XRN2: variants seen among roughly 807,000 people sequenced by gnomAD.
XRN2 encodes the protein DHM1-like protein.
Under a neutral mutation model 138.5 loss-of-function variants are expected in XRN2, and 44 were observed. The observed-to-expected ratio is 0.32, with a 90% confidence interval of 0.25 to 0.41. The LOEUF is 0.41. Ranked by LOEUF, XRN2 falls within the 10% of genes least tolerant of loss-of-function variation. The probability of loss-of-function intolerance (pLI) is 1.00; values close to 1 mark genes in which losing one functional copy is unlikely to be tolerated. For missense variants in XRN2, 937 were observed against 1,169.3 expected (o/e 0.80, Z 2.90); for synonymous variants, 354 against 369.4 (o/e 0.96, Z 0.48).
chr20:21,364,804 C>CA (rs55958227), intron 24 of XRN2, among the ~76,000 whole-genome samples: 16,981 of 95,200 alleles, frequency 0.18, 1,108 homozygotes, highest in Middle Eastern at 0.27. Flanking sequence ...AGACCTGTCT[C>CA]AAAAAAAAAA....
chr20:21,354,143 G>T (rs1047567071), intron 20 of XRN2, among the ~76,000 whole-genome samples: 1 of 152,078 alleles, frequency 6.6e-6, no homozygotes, highest in Non-Finnish European at 1.5e-5. Context: ...CCAAATAAGT[G>T]CCCTTAATTT....
At chr20:21,320,713 G>C (rs1474243082) in intron 1 of XRN2, among the ~76,000 whole-genome samples, 1 of 152,142 alleles carries the variant, frequency 6.6e-6, no homozygotes, top group Non-Finnish European at 1.5e-5. Context: ...TCCTGCCTCA[G>C]CCTCCCGAGT....
chr20:21,346,807 C>T lies in XRN2; in HGVS notation c.1665+257C>T, dbSNP rs184366218. Among the ~76,000 whole-genome samples the T allele has an allele frequency of 1.7e-4, 26 of 151,984 alleles. No individual in the cohort carries two copies. The East Asian group carries it at 4.7e-3, about 27-fold the overall frequency. ...CTAATTTTTGTATTTTTAGTAGAGA[C>T]GGGGTTTCACCATGTTGGTCAGGCT... is the stretch of plus-strand genomic sequence containing the variant. On this transcript the variant is annotated intron_variant, in intron 17 of 29. Transcript: ENST00000377191.
In XRN2 at chr20:21,386,910, G is replaced by A. The variant is rs762727517; in HGVS notation, c.2691G>A (p.Leu897=). 6.2e-7 allele frequency: 1 copy of A among 1,613,954 alleles called. No individual in the cohort carries two copies. Among genetic ancestry groups the A allele is most frequent in the East Asian group, 2.2e-5 (1 of 44,882 alleles). ...CTCTGCTCCCATGGAACCGGATGCTGCAAACCCAGAATGCAGCCTTCCAGC... is the reference window on the plus strand; with the variant it reads ...CTCTGCTCCCATGGAACCGGATGCTACAAACCCAGAATGCAGCCTTCCAGC... ...AEPLLPWNRM[L]QTQNAAFQPN... The change falls in exon 29 of 30, where the codon CTG becomes CTA. Residue 897 remains leucine (L), a synonymous_variant. Transcript: ENST00000377191.
intron 24 of XRN2, among the ~76,000 whole-genome samples, chr20:21,358,748 C>T (rs1221445889): frequency 6.6e-6 from 1 of 152,134 alleles, no homozygotes; most frequent in East Asian, 1.9e-4. Context: ...GAGTTGCTTA[C>T]GTTTATCTTT....
chr20:21,348,561 C>A, intron 19 of XRN2, 131 bp downstream of exon 19: 1 of 791,970 alleles, frequency 1.3e-6, no homozygotes. Context: ...TTACTCCAAA[C>A]ACACATATAT....
intron 20 of XRN2, 21 bp downstream of exon 20, chr20:21,349,482 TCTGGTAAAA>T: frequency 2.0e-6 from 3 of 1,528,402 alleles, no homozygotes; most frequent in Non-Finnish European, 2.7e-6. Flanking sequence ...GACGTTCTTT[TCTGGTAAAA>T]CTGTGAACAA....
intron 28 of XRN2, among the ~76,000 whole-genome samples, chr20:21,386,089 T>C (rs1344525883): frequency 6.6e-6 from 1 of 152,250 alleles, no homozygotes; most frequent in African/African-American, 2.4e-5. Flanking sequence ...AGTTATGATT[T>C]AGTACATTAT....
intron 1 of XRN2, among the ~76,000 whole-genome samples, chr20:21,311,047 G>C (rs1029005211): frequency 6.6e-6 from 1 of 152,022 alleles, no homozygotes; most frequent in African/African-American, 2.4e-5. Context: ...CACTGCGCCT[G>C]TCCGGGTCTG....
intron 13 of XRN2, among the ~76,000 whole-genome samples, chr20:21,335,296 T>C (rs1358020593): frequency 2.0e-5 from 3 of 152,206 alleles, no homozygotes; most frequent in South Asian, 2.1e-4. Context: ...TAATAGCTTC[T>C]TAGAAACAGC....
At chr20:21,312,602 A>ATTT (rs375836250) in intron 1 of XRN2, among the ~76,000 whole-genome samples, 1 of 137,280 alleles carries the variant, frequency 7.3e-6, no homozygotes. Context: ...AAACCCCAAG[A>ATTT]TTTTTTTTTT....
In XRN2 at chr20:21,333,693, T is replaced by G; in HGVS notation, c.934-11T>G. 3.1e-6 allele frequency: 5 copies of G among 1,614,062 alleles called. No homozygotes were observed. The highest frequency in any genetic ancestry group is 4.2e-6 in the Non-Finnish European group (5 of 1,179,974). On this transcript the variant is annotated splice_polypyrimidine_tract_variant and intron_variant, in intron 10 of 29. Coordinates refer to ENST00000377191, the MANE Select transcript of XRN2 (RefSeq NM_012255.5). ...GATAGCTGTAATGGCAGCATTCCTT[T>G]TTGGTTGTAGTATTTGGAAAGAGAA...
Position 21,312,347 on chromosome 20 carries a change from A to G in XRN2, c.75+8874A>G, listed in dbSNP as rs2037892854. ...CACCGTGTTAGCCAGGATGGTCTCT[A>G]TCTCCTGACTTCCTGGAATTACAGG... On this transcript the variant is annotated intron_variant, in intron 1 of 29. Coordinates refer to ENST00000377191, the MANE Select transcript of XRN2 (RefSeq NM_012255.5). Among the ~76,000 whole-genome samples the G allele has an allele frequency of 3.3e-5, 5 of 152,048 alleles. No homozygotes were observed. The South Asian group carries it at 1.0e-3, about 31-fold the overall frequency.
intron 1 of XRN2, among the ~76,000 whole-genome samples, chr20:21,309,822 C>T (rs1404068498): frequency 2.0e-5 from 3 of 151,762 alleles, no homozygotes; most frequent in Non-Finnish European, 2.9e-5. Context: ...GTGATGTTAC[C>T]TCTTTCATTC....
intron 1 of XRN2, among the ~76,000 whole-genome samples, chr20:21,319,631 A>G (rs2038010372): frequency 6.6e-6 from 1 of 152,154 alleles, no homozygotes; most frequent in South Asian, 2.1e-4. Flanking sequence ...CTAGAATCAA[A>G]TTCAGATTTA....
At chr20:21,373,804 TG>T (rs1188861816) in intron 27 of XRN2, among the ~76,000 whole-genome samples, 1 of 152,216 alleles carries the variant, frequency 6.6e-6, no homozygotes, top group Non-Finnish European at 1.5e-5. Context: ...TCAAGGTTTG[TG>T]TGGTTTTTTT....
At chr20:21,376,295 G>A (rs1456274936) in intron 27 of XRN2, among the ~76,000 whole-genome samples, 1 of 152,160 alleles carries the variant, frequency 6.6e-6, no homozygotes, top group South Asian at 2.1e-4. Context: ...GTTTGAGGCT[G>A]CAGTGAGCTA....
In XRN2 at chr20:21,328,611, A is replaced by C; in HGVS notation, c.368A>C (p.Lys123Thr). 6.2e-7 allele frequency: 1 copy of C among 1,614,156 alleles called. No individual in the cohort carries two copies. Among genetic ancestry groups the C allele is most frequent in the Non-Finnish European group, 8.5e-7 (1 of 1,180,014 alleles). ...QQRSRRFRAS[K>T]EGMEAAVEKQ... ...CGTTCAAGGAGGTTCAGGGCATCAAAAGAAGGAATGGAAGCAGCAGTCGAG... is the reference window on the plus strand; with the variant it reads ...CGTTCAAGGAGGTTCAGGGCATCAACAGAAGGAATGGAAGCAGCAGTCGAG... Residue 123 changes from lysine (K) to threonine (T), a missense_variant, in exon 4 of 30, where the codon AAA becomes ACA. Transcript: ENST00000377191.
intron 27 of XRN2, among the ~76,000 whole-genome samples, chr20:21,371,937 A>G (rs894977990): frequency 3.3e-5 from 5 of 152,202 alleles, no homozygotes; most frequent in Non-Finnish European, 5.9e-5. Flanking sequence ...TCCCCTCTCT[A>G]CTTTTATTAA....
Sources: allele counts gnomAD v4.1 joint callset (sites outside exome capture counted in the v4.1 genomes callset), GRCh38; gene constraint gnomAD v4.1.1; transcripts MANE v1.5; gene names NCBI Gene and HGNC (gene_info 2026-07-23, HGNC 2026-07-21).